RAPGEF4: variants seen among roughly 807,000 people sequenced by gnomAD.
RAPGEF4 encodes the protein Rap guanine nucleotide exchange factor 4, also known as RAP guanine-nucleotide-exchange factor (GEF) 4.
RAPGEF4 carries 66 observed loss-of-function variants against 147.9 expected under a neutral mutation model. That is an observed-to-expected ratio of 0.45 (90% confidence interval 0.37 to 0.55). RAPGEF4 has a LOEUF of 0.55. Ranked by LOEUF, RAPGEF4 falls within the 20% of genes least tolerant of loss-of-function variation. The pLI is 0.00. For synonymous variants in RAPGEF4, 419 were observed against 442.7 expected, an observed-to-expected ratio of 0.95 and a Z score of 0.67; for missense variants, 1,071 against 1,257.3, an observed-to-expected ratio of 0.85 and a Z score of 2.24.
intron 24 of RAPGEF4, 146 bp from the exon 25 acceptor site, chr2:173,026,935 A>G: frequency 6.0e-6 from 5 of 833,664 alleles, no homozygotes; most frequent in Non-Finnish European, 8.9e-6. Flanking sequence ...TTATATTTAT[A>G]TATTTAACAA....
intron 1 of RAPGEF4, among the ~76,000 whole-genome samples, chr2:172,778,143 A>G (rs1364866406): frequency 1.3e-5 from 2 of 152,176 alleles, no homozygotes; most frequent in Non-Finnish European, 2.9e-5. Context: ...GCGTGGTTCA[A>G]TAACAGGTTA....
chr2:172,830,172 T>C (rs558572905), intron 4 of RAPGEF4, among the ~76,000 whole-genome samples: 1 of 152,316 alleles, frequency 6.6e-6, no homozygotes, highest in African/African-American at 2.4e-5. Flanking sequence ...CAGTGTAACA[T>C]ATCTTTGTAG....
chr2:172,908,886 G>A (rs866991232), intron 4 of RAPGEF4, among the ~76,000 whole-genome samples: 3 of 151,878 alleles, frequency 2.0e-5, no homozygotes, highest in African/African-American at 2.4e-5. Flanking sequence ...CAACTGATTA[G>A]CAGTAAGGAG....
intron 17 of RAPGEF4, among the ~76,000 whole-genome samples, chr2:173,005,685 G>C (rs1358639874): frequency 6.6e-6 from 1 of 151,934 alleles, no homozygotes; most frequent in African/African-American, 2.4e-5. Flanking sequence ...ACCACACCCA[G>C]CTAATTTTTT....
chr2:173,043,852 G>A (rs927219089), intron 29 of RAPGEF4, among the ~76,000 whole-genome samples: 1 of 152,232 alleles, frequency 6.6e-6, no homozygotes, highest in Non-Finnish European at 1.5e-5. Context: ...AGAGCCTCTG[G>A]CTTGTGCCAG....
At chr2:173,047,928 G>A (rs537494744) in intron 29 of RAPGEF4, among the ~76,000 whole-genome samples, 9 of 152,038 alleles carry the variant, frequency 5.9e-5, no homozygotes, top group Non-Finnish European at 1.0e-4. Context: ...CACCCGCCTC[G>A]GCCTCCCAAA....
intron 6 of RAPGEF4, among the ~76,000 whole-genome samples, chr2:172,960,256 C>T (rs534224919): frequency 6.3e-4 from 96 of 152,148 alleles, no homozygotes; most frequent in African/African-American, 2.3e-3. Flanking sequence ...TGCATAGAAC[C>T]GCCAAGAAGT....
chr2:173,024,569 T>C (rs1696476008), intron 23 of RAPGEF4, among the ~76,000 whole-genome samples: 1 of 152,176 alleles, frequency 6.6e-6, no homozygotes, highest in Admixed American at 6.5e-5. Flanking sequence ...ACCTCTTTTG[T>C]GCCAGGCACT....
rs143141704 is a variant in RAPGEF4, at chr2:173,021,349, C to G, written c.2253+634C>G. 6.5e-3 allele frequency among the ~76,000 whole-genome samples: 997 copies of G among 152,288 alleles called. 8 individuals carry two copies. Among genetic ancestry groups the G allele is most frequent in the African/African-American group, 0.023 (942 of 41,546 alleles). On this transcript the variant is annotated intron_variant, in intron 23 of 30. Transcript: ENST00000397081. ...TGTAGGTGAGTAGCTAGTAACATAT[C>G]TTAGAAAGCCTAGAGGGCCAATTCA...
intron 4 of RAPGEF4, among the ~76,000 whole-genome samples, chr2:172,855,124 T>C (rs1360781647): frequency 2.0e-5 from 3 of 152,170 alleles, no homozygotes; most frequent in Non-Finnish European, 2.9e-5. Flanking sequence ...TAGAAGTAGA[T>C]CTTTTACTTC....
chr2:173,008,071 C>CG (rs1281612568), intron 17 of RAPGEF4, among the ~76,000 whole-genome samples: 1 of 151,238 alleles, frequency 6.6e-6, no homozygotes, highest in Non-Finnish European at 1.5e-5. Flanking sequence ...CGGGTGTGGC[C>CG]CCCCCATGCT....
At chr2:172,992,311 G>T (rs563607624) in intron 15 of RAPGEF4, among the ~76,000 whole-genome samples, 2 of 152,246 alleles carry the variant, frequency 1.3e-5, no homozygotes, top group South Asian at 4.1e-4. Flanking sequence ...GTTTTTAACA[G>T]TTTTCCTTCC....
chr2:172,846,122 G>A (rs1692159616), intron 4 of RAPGEF4, among the ~76,000 whole-genome samples: 2 of 152,144 alleles, frequency 1.3e-5, no homozygotes, highest in Admixed American at 6.5e-5. Context: ...TAAACTTCAT[G>A]CATTTCAAAT....
chr2:173,014,913 T>C (rs532154928), intron 18 of RAPGEF4, among the ~76,000 whole-genome samples: 1 of 152,350 alleles, frequency 6.6e-6, no homozygotes, highest in African/African-American at 2.4e-5. Flanking sequence ...TTTCCATTTA[T>C]TTGATATAAG....
chr2:172,814,783 A>G (rs1688347124), intron 4 of RAPGEF4: 1 of 302,450 alleles, frequency 3.3e-6, no homozygotes, highest in Non-Finnish European at 6.5e-6. Context: ...AAAAATCATC[A>G]TTGACATGTT....
chr2:172,928,650 C>T (rs569093393), intron 6 of RAPGEF4, among the ~76,000 whole-genome samples: 1 of 152,162 alleles, frequency 6.6e-6, no homozygotes, highest in Non-Finnish European at 1.5e-5. Context: ...TTTAAAATCT[C>T]TCTTATGAAA....
At chr2:172,860,625 C>T (rs1559626) in intron 4 of RAPGEF4, among the ~76,000 whole-genome samples, 145,714 of 149,676 alleles carry the variant, frequency 0.97, 71,037 homozygotes, top group East Asian at 1. Context: ...AGGAGTAGAT[C>T]TGAAATGAAA....
intron 16 of RAPGEF4, among the ~76,000 whole-genome samples, chr2:172,998,579 C>G (rs1368904137): frequency 2.6e-5 from 4 of 152,096 alleles, no homozygotes; most frequent in African/African-American, 9.7e-5. Flanking sequence ...AAGGTAGAGC[C>G]AAGCACTGGG....
intron 4 of RAPGEF4, among the ~76,000 whole-genome samples, chr2:172,818,717 G>A (rs1037644659): frequency 2.6e-5 from 4 of 152,152 alleles, no homozygotes; most frequent in African/African-American, 9.7e-5. Flanking sequence ...CTAACAGGTA[G>A]CACAGTCAAA....
Sources: gnomAD v4.1 joint callset for allele counts (sites outside exome capture counted in the v4.1 genomes callset) on GRCh38, gnomAD v4.1.1 for gene constraint, MANE v1.5 for transcripts, NCBI Gene and HGNC (gene_info 2026-07-23, HGNC 2026-07-21) for gene names.